The following CELF5 variants were observed in gnomAD, a reference collection of about 807,000 sequenced individuals.
CELF5 encodes the protein CUGBP Elav-like family member 5.
In CELF5, 6 loss-of-function variants were observed where a neutral mutation model predicts 54.9. That is an observed-to-expected ratio of 0.11 (90% CI 0.06 to 0.22). The LOEUF (loss-of-function observed/expected upper bound fraction) is 0.22, where lower values mean the gene tolerates loss of function less well. CELF5 is among the 10% of genes least tolerant of loss of function. CELF5 has a pLI of 1.00. For synonymous variants in CELF5, 271 were observed against 290.9 expected (o/e 0.93, Z 0.70); for missense variants, 401 against 678.6 (o/e 0.59, Z 4.54).
At chr19:3,276,352 C>T (rs1287719531) in intron 4 of CELF5, among the ~76,000 whole-genome samples, 2 of 150,256 alleles carry the variant, frequency 1.3e-5, no homozygotes, top group East Asian at 4.0e-4. Flanking sequence ...AGGATGTAGC[C>T]CTGGAGAGGC....
rs372865848 is a variant in CELF5, at chr19:3,269,392, G to A, written c.343-4480G>A. 2.0e-5 allele frequency among the ~76,000 whole-genome samples: 3 copies of A among 152,110 alleles called. No individual in the cohort carries two copies. In the East Asian group the frequency reaches 5.8e-4, roughly 29 times the overall value. On this transcript the variant is annotated intron_variant, in intron 2 of 12. Coordinates refer to ENST00000292672, the MANE Select transcript of CELF5 (RefSeq NM_021938.4). ...AGGGTTTCACCATGTTGGCCAGGGT[G>A]ATCTCAAACTCCTGACCTCAGGTGA...
Position 3,225,038 on chromosome 19 carries a change from G to A in CELF5, c.259+40G>A, listed in dbSNP as rs758423612. The A allele has an allele frequency of 4.9e-4, 558 of 1,148,114 alleles. 3 individuals carry two copies. The African/African-American group carries it at 0.016, about 33-fold the overall frequency. The allele number at this position is 1,148,114 out of a possible 1,614,324, so 71.1% of individuals were successfully genotyped here. A position where few individuals can be genotyped will look rare whatever the true frequency, so the allele number is the denominator to read the frequency against. Reference sequence around the variant, plus strand: ...CCCTCCCCCCTCTCCCCCTCCCTCCGCCTCCCACCCCACCTTCCGGCATCT... The same window carrying A: ...CCCTCCCCCCTCTCCCCCTCCCTCCACCTCCCACCCCACCTTCCGGCATCT... On this transcript the variant is annotated intron_variant, in intron 1 of 12. Transcript: ENST00000292672.
chr19:3,290,381 G>GGCC lies in CELF5; in HGVS notation c.1330+12_1330+14dup. 1 of 1,612,608 alleles carries GGCC rather than the reference G, an allele frequency of 6.2e-7. No individual in the cohort carries two copies. Among genetic ancestry groups the GGCC allele is most frequent in the East Asian group, 2.2e-5 (1 of 44,786 alleles). On this transcript the variant is annotated splice_region_variant and intron_variant, in intron 11 of 12. Coordinates refer to ENST00000292672, the MANE Select transcript of CELF5 (RefSeq NM_021938.4). Reference sequence around the variant, plus strand: ...AACCAGAGCAAGTGTTTCGGTGAGTGGCCGCCGACGCCACCCCTCCCCATC... The same window carrying GGCC: ...AACCAGAGCAAGTGTTTCGGTGAGTGGCCGCCGCCGACGCCACCCCTCCCCATC...
chr19:3,266,809 C>G (rs1376749195), intron 2 of CELF5, among the ~76,000 whole-genome samples: 1 of 150,782 alleles, frequency 6.6e-6, no homozygotes, highest in Non-Finnish European at 1.5e-5. Context: ...ATGGGGGCTG[C>G]TGGGGAGGAA....
At chr19:3,253,632 G>T (rs10424718) in intron 2 of CELF5, among the ~76,000 whole-genome samples, 30,253 of 152,128 alleles carry the variant, frequency 0.2, 3,458 homozygotes, top group East Asian at 0.54. Flanking sequence ...CAGAGCAGGG[G>T]GGGCAAAGGT....
chr19:3,271,550 G>A (rs894097620), intron 2 of CELF5, among the ~76,000 whole-genome samples: 2 of 152,118 alleles, frequency 1.3e-5, no homozygotes, highest in Non-Finnish European at 2.9e-5. Context: ...TTGGTTTCTG[G>A]GGCCCCAAAG....
chr19:3,256,075 G>GAAAAAAAAAAAAAAAAAAAA (rs2079721431), intron 2 of CELF5, among the ~76,000 whole-genome samples: 1 of 125,738 alleles, frequency 8.0e-6, no homozygotes, highest in African/African-American at 3.0e-5. Flanking sequence ...AAAAAAAAAG[G>GAAAAAAAAAAAAAAAAAAAA]AAAGGTGCGA....
intron 1 of CELF5, among the ~76,000 whole-genome samples, chr19:3,246,870 C>T (rs2079574332): frequency 6.6e-6 from 1 of 152,198 alleles, no homozygotes; most frequent in African/African-American, 2.4e-5. Flanking sequence ...GGAACTCCCC[C>T]ATGATGCACA....
At chr19:3,266,944 A>C (rs1313062454) in intron 2 of CELF5, among the ~76,000 whole-genome samples, 1 of 152,166 alleles carries the variant, frequency 6.6e-6, no homozygotes, top group Non-Finnish European at 1.5e-5. Flanking sequence ...CAGGCGGCTC[A>C]CGTGCCTGCA....
At chr19:3,267,375 C>T (rs930162947) in intron 2 of CELF5, among the ~76,000 whole-genome samples, 6 of 152,160 alleles carry the variant, frequency 3.9e-5, no homozygotes, top group African/African-American at 7.2e-5. Flanking sequence ...GAATAGGATC[C>T]GAAATTGAAT....
chr19:3,232,661 G>T (rs1303281441), intron 1 of CELF5, among the ~76,000 whole-genome samples: 1 of 151,866 alleles, frequency 6.6e-6, no homozygotes, highest in African/African-American at 2.4e-5. Context: ...TAGTCAACAG[G>T]CTGGCTGCAG....
chr19:3,266,828 G>A (rs562931034), intron 2 of CELF5, among the ~76,000 whole-genome samples: 24 of 151,576 alleles, frequency 1.6e-4, no homozygotes, highest in East Asian at 1.2e-3. Flanking sequence ...AAGACCCCCC[G>A]GCCTGCCAGC....
chr19:3,252,906 G>A (rs1472550320), intron 2 of CELF5, among the ~76,000 whole-genome samples: 2 of 151,936 alleles, frequency 1.3e-5, no homozygotes, highest in African/African-American at 4.8e-5. Flanking sequence ...TAGAGAAGGT[G>A]CTCAGTGGAG....
chr19:3,236,723 G>A (rs1006846064), intron 1 of CELF5, among the ~76,000 whole-genome samples: 2 of 152,112 alleles, frequency 1.3e-5, no homozygotes, highest in Non-Finnish European at 2.9e-5. Context: ...GATGGCTCAC[G>A]CCTACAATCC....
Position 3,268,865 on chromosome 19 carries a change from CG to C in CELF5, c.343-5000del, listed in dbSNP as rs1053685198. ...TTTGAGGGGTAAGGATGGGGTGCAG[CG>C]GGGGGGCATTCTGTCACCAGCCACG... is the stretch of plus-strand genomic sequence containing the variant. On this transcript the variant is annotated intron_variant, in intron 2 of 12. Transcript: ENST00000292672. This position sits in a 1 kb window ranked among gnomAD's most constrained non-coding sequence, Gnocchi z 4.4. 1.4e-5 allele frequency among the ~76,000 whole-genome samples: 2 copies of C among 140,604 alleles called. No individual in the cohort carries two copies. Among genetic ancestry groups the C allele is most frequent in the Admixed American group, 7.3e-5 (1 of 13,612 alleles). The allele number at this position is 140,604 out of a possible 152,430, so 92.2% of individuals were successfully genotyped here. A position where few individuals can be genotyped will look rare whatever the true frequency, so the allele number is the denominator to read the frequency against.
chr19:3,262,183 C>T (rs927324505), intron 2 of CELF5, among the ~76,000 whole-genome samples: 18 of 151,914 alleles, frequency 1.2e-4, no homozygotes, highest in African/African-American at 4.4e-4. Context: ...TACAGGCACG[C>T]ACGCCCAGCT....
intron 2 of CELF5, among the ~76,000 whole-genome samples, chr19:3,251,601 C>T (rs545206793): frequency 3.3e-5 from 5 of 150,394 alleles, no homozygotes; most frequent in Middle Eastern, 3.5e-3. Context: ...TGATTTTCCT[C>T]GCTTGTCTTT....
Position 3,292,714 on chromosome 19 carries a change from G to A in CELF5, c.1331-605G>A, listed in dbSNP as rs570244798. On this transcript the variant is annotated intron_variant, in intron 11 of 12. Transcript: ENST00000292672. ...AGAAAAGACTCAAGCTAGAGAACGA[G>A]AGAAAGAGGGGAGGGGAGAGAAACA... Among the ~76,000 whole-genome samples, 44 of 152,236 alleles carry A rather than the reference G, an allele frequency of 2.9e-4. No homozygotes were observed. The South Asian group carries it at 5.0e-3, about 17-fold the overall frequency.
At chr19:3,279,413 CCT>C (rs2080111457) in intron 5 of CELF5, among the ~76,000 whole-genome samples, 1 of 152,144 alleles carries the variant, frequency 6.6e-6, no homozygotes, top group Admixed American at 6.5e-5. Flanking sequence ...GAACAAGCCA[CCT>C]CTCTCAGCTC....
Sources: gnomAD v4.1 joint callset for allele counts (sites outside exome capture counted in the v4.1 genomes callset) on GRCh38, gnomAD v4.1.1 for gene constraint, Gnocchi (gnomAD v3.1) non-coding constraint, MANE v1.5 for transcripts, NCBI Gene and HGNC (gene_info 2026-07-23, HGNC 2026-07-21) for gene names.